Variants in SH3BP2 observed in about 807,000 individuals in gnomAD.
The protein encoded by SH3BP2 is SH3 domain-binding protein 2.
SH3BP2 carries 38 observed loss-of-function variants against 56.2 expected under a neutral mutation model. That is an observed-to-expected ratio of 0.68 (90% confidence interval 0.52 to 0.89). The LOEUF is 0.89. Among genes scored for constraint, SH3BP2 ranks in the 40% least tolerant of loss-of-function variants. The probability of loss-of-function intolerance (pLI) is 0.00; values close to 1 mark genes in which losing one functional copy is unlikely to be tolerated. For synonymous variants in SH3BP2, 346 were observed against 316.7 expected (o/e 1.09, Z -0.98); for missense variants, 748 against 762.6 (o/e 0.98, Z 0.23).
At chr4:2,824,257 T>G (rs968648666) in intron 3 of SH3BP2, among the ~76,000 whole-genome samples, 2 of 152,152 alleles carry the variant, frequency 1.3e-5, no homozygotes, top group African/African-American at 4.8e-5. Flanking sequence ...CACGGAGCCC[T>G]GTGGGGTACC....
chr4:2,831,009 C>T lies in SH3BP2; in HGVS notation c.1242-562C>T, dbSNP rs1475834992. ...CAGAGATGCAGATGTTCGGAAGTCA[C>T]GTTTTTCCATGACTGTGGGGATAGC... is the stretch of plus-strand genomic sequence containing the variant. On this transcript the variant is annotated intron_variant, in intron 8 of 12. Coordinates refer to ENST00000503393, the MANE Select transcript of SH3BP2 (RefSeq NM_001122681.2). The surrounding 1 kb of genome is among the most constrained non-coding windows in gnomAD (Gnocchi z 4.1). Among the ~76,000 whole-genome samples, 1 of 152,228 alleles carries T rather than the reference C, an allele frequency of 6.6e-6. No individual in the cohort carries two copies. The highest frequency in any genetic ancestry group is 2.4e-5 in the African/African-American group (1 of 41,460).
At chr4:2,809,196 C>T (rs1399842624) in intron 1 of SH3BP2, among the ~76,000 whole-genome samples, 5 of 14,556 alleles carry the variant, frequency 3.4e-4, no homozygotes, top group Non-Finnish European at 4.9e-4. Flanking sequence ...GCCCACCTTC[C>T]CCCAGGCTCT....
chr4:2,832,609 T>C (rs564091830), intron 11 of SH3BP2, among the ~76,000 whole-genome samples, 197 bp downstream of exon 11: 62 of 152,080 alleles, frequency 4.1e-4, no homozygotes, highest in African/African-American at 1.4e-3. Flanking sequence ...GGGGCCATGA[T>C]GGCCACCTCC....
rs745891283 is a variant in SH3BP2, at chr4:2,826,886, CGT to C, written c.429-341_429-340del. On this transcript the variant is annotated intron_variant, in intron 5 of 12. Coordinates refer to ENST00000503393, the MANE Select transcript of SH3BP2 (RefSeq NM_001122681.2). Reference sequence around the variant, plus strand: ...GTGTCTGTGTGTCTACATGTCTGCGCGTGTCCCTGTGTCTTTGTGTATATATA... The same window carrying C: ...GTGTCTGTGTGTCTACATGTCTGCGCGTCCCTGTGTCTTTGTGTATATATA... 1.0e-4 allele frequency: 52 copies of C among 508,902 alleles called. 1 individual carries two copies. The highest frequency in any genetic ancestry group is 7.5e-4 in the South Asian group (48 of 64,356). 31.5% of individuals were successfully genotyped at this position (508,902 alleles called of 1,614,324 possible).
intron 10 of SH3BP2, 91 bp from the exon 11 acceptor site, chr4:2,832,240 A>G: frequency 7.5e-6 from 9 of 1,195,208 alleles, no homozygotes; most frequent in Non-Finnish European, 1.1e-5. Flanking sequence ...CAGCGAGAGG[A>G]CAGAAAGCCA....
chr4:2,802,673 G>A lies in SH3BP2; in HGVS notation c.-5+9535G>A, dbSNP rs192663344. Among the ~76,000 whole-genome samples the A allele has an allele frequency of 6.2e-3, 837 of 135,506 alleles. 8 individuals are homozygous for A. Among genetic ancestry groups the A allele is most frequent in the African/African-American group, 0.016 (513 of 31,756 alleles). The allele number at this position is 135,506 out of a possible 152,430, so 88.9% of individuals were successfully genotyped here. A position where few individuals can be genotyped will look rare whatever the true frequency, so the allele number is the denominator to read the frequency against. Reference sequence around the variant, plus strand: ...TATATGTATATGTGTGTGTGTGTGTGTATATATATATGTATATATGTATGT... The same window carrying A: ...TATATGTATATGTGTGTGTGTGTGTATATATATATATGTATATATGTATGT... On this transcript the variant is annotated intron_variant, in intron 1 of 12. Transcript: ENST00000503393.
intron 11 of SH3BP2, 143 bp downstream of exon 11, chr4:2,832,555 G>T (rs985329482): frequency 3.1e-5 from 23 of 737,160 alleles, no homozygotes; most frequent in Non-Finnish European, 4.9e-5. Flanking sequence ...CTTCCCAGCA[G>T]CACCCCCCAA....
chr4:2,815,620 C>T (rs949830673), intron 1 of SH3BP2, among the ~76,000 whole-genome samples: 10 of 152,222 alleles, frequency 6.6e-5, no homozygotes, highest in Non-Finnish European at 1.5e-4. Flanking sequence ...CTCACAGTGG[C>T]TCCTCCCACT....
At chr4:2,818,400 G>A (rs1476976073) in intron 1 of SH3BP2, 12 of 1,171,062 alleles carry the variant, frequency 1.0e-5, no homozygotes, top group Admixed American at 4.6e-5. Context: ...CGTGAGTACC[G>A]AGCCCCGGCC....
rs2108725986 is a variant in SH3BP2 at position 2,820,594 on chromosome 4, G to C, written c.-4-20G>C. The C allele has an allele frequency of 1.2e-6, 2 of 1,614,094 alleles. No individual in the cohort carries two copies. The highest frequency in any genetic ancestry group is 2.2e-5 in the South Asian group (2 of 91,084). ...CTGCCTGACCGTAGCTGAGCCACGT[G>C]CCTTTGTCCTTTATTGCAGCTTCAT... On this transcript the variant is annotated intron_variant, in intron 1 of 12. Coordinates refer to ENST00000503393, the MANE Select transcript of SH3BP2 (RefSeq NM_001122681.2).
chr4:2,820,729 G>T lies in SH3BP2; in HGVS notation c.112G>T (p.Gly38Cys). ...GGCTGGCTACCTGCACAAGAAGGGC[G>T]GTACCCAGCTGCAGCTGCTGAAATG... Reference protein sequence around the residue: ...AKAGYLHKKGGTQLQLLKWPL... With the variant: ...AKAGYLHKKGCTQLQLLKWPL... The change falls in exon 2 of 13, where the codon GGT becomes TGT. Residue 38 changes from glycine (G) to cysteine (C), a missense_variant. By Grantham distance (159) the Gly-to-Cys change is radical. Coordinates refer to ENST00000503393, the MANE Select transcript of SH3BP2 (RefSeq NM_001122681.2). The T allele has an allele frequency of 6.2e-7, 1 of 1,613,944 alleles. No individual in the cohort carries two copies. Among genetic ancestry groups the T allele is most frequent in the Non-Finnish European group, 8.5e-7 (1 of 1,179,856 alleles).
chr4:2,821,328 G>T (rs540852406), intron 2 of SH3BP2, among the ~76,000 whole-genome samples: 1 of 152,234 alleles, frequency 6.6e-6, no homozygotes, highest in Non-Finnish European at 1.5e-5. Context: ...GTCCTGGGCC[G>T]CCTGGTTGAG....
At chr4:2,799,581 C>T (rs982418241) in intron 1 of SH3BP2, among the ~76,000 whole-genome samples, 11 of 152,204 alleles carry the variant, frequency 7.2e-5, no homozygotes, top group African/African-American at 1.9e-4. Flanking sequence ...GAGGATCTAG[C>T]GGGCCTTGCC....
Position 2,831,788 on chromosome 4 carries a change from C to T in SH3BP2, c.1350+109C>T, listed in dbSNP as rs994453042. The T allele has an allele frequency of 2.2e-4, 302 of 1,361,344 alleles. 2 individuals carry two copies. The East Asian group carries it at 2.4e-3, about 11-fold the overall frequency. 84.3% of individuals were successfully genotyped at this position (1,361,344 alleles called of 1,614,324 possible). ...CAGACCGTCCTGAGCAAGGACCCCC[C>T]GAGAACCCGGGAGCCTAGGGGGACA... On this transcript the variant is annotated intron_variant, in intron 9 of 12. Transcript: ENST00000503393. This position sits in a 1 kb window ranked among gnomAD's most constrained non-coding sequence, Gnocchi z 4.1.
At chr4:2,800,290 C>T (rs1371685157) in intron 1 of SH3BP2, among the ~76,000 whole-genome samples, 5 of 152,126 alleles carry the variant, frequency 3.3e-5, no homozygotes, top group African/African-American at 1.2e-4. Flanking sequence ...TGGCATGGTC[C>T]AGAGCTGCCT....
At chr4:2,799,066 C>T (rs550101425) in intron 1 of SH3BP2, 38 of 985,464 alleles carry the variant, frequency 3.9e-5, no homozygotes, top group South Asian at 1.4e-4. Flanking sequence ...GGACTAATGG[C>T]GCTCAGGGGT....
chr4:2,820,661 T>C lies in SH3BP2; in HGVS notation c.44T>C (p.Ile15Thr), dbSNP rs777574434. The stretch of plus-strand genomic sequence containing the variant: ...CATTGGCCTGTCCCTATGAAGGCCA[T>C]TGGTGCCCAGAACCTGCTAACCATG... ...EMHWPVPMKAIGAQNLLTMPG... is the reference protein window; with the variant it reads ...EMHWPVPMKATGAQNLLTMPG... Residue 15 changes from isoleucine to threonine, a missense_variant, in exon 2 of 13, where the codon ATT becomes ACT. Physicochemically the swap from Ile to Thr is moderately conservative, Grantham distance 89. Transcript: ENST00000503393. The C allele has an allele frequency of 3.1e-6, 5 of 1,614,010 alleles. No homozygotes were observed. Among genetic ancestry groups the C allele is most frequent in the East Asian group, 2.2e-5 (1 of 44,886 alleles).
intron 4 of SH3BP2, 160 bp from the exon 5 acceptor site, chr4:2,824,966 C>T (rs1057473679): frequency 1.3e-6 from 1 of 742,342 alleles, no homozygotes; most frequent in African/African-American, 1.7e-5. Context: ...GGAGGTGCCC[C>T]TGTGGGCTGA....
intron 1 of SH3BP2, among the ~76,000 whole-genome samples, chr4:2,819,251 A>T (rs1384816681): frequency 6.6e-6 from 1 of 152,102 alleles, no homozygotes; most frequent in Non-Finnish European, 1.5e-5. Context: ...ACAGTGTCTC[A>T]CTTTGTTGCC....
Sources: gnomAD v4.1 joint callset for allele counts (sites outside exome capture counted in the v4.1 genomes callset) on GRCh38, gnomAD v4.1.1 for gene constraint, Gnocchi (gnomAD v3.1) non-coding constraint, MANE v1.5 for transcripts, NCBI Gene and HGNC (gene_info 2026-07-23, HGNC 2026-07-21) for gene names.